The following SMTNL2 variants were observed in gnomAD, a reference collection of about 807,000 sequenced individuals.
SMTNL2 encodes the protein smoothelin like 2.
A neutral mutation model predicts 44.1 loss-of-function variants in SMTNL2; 43 were observed. That is an observed-to-expected ratio of 0.98 (90% CI 0.76 to 1.26). SMTNL2 has a LOEUF of 1.26. SMTNL2 is among the 50% of genes most tolerant of loss of function. The probability of loss-of-function intolerance (pLI) is 0.00; values close to 1 mark genes in which losing one functional copy is unlikely to be tolerated. For missense variants in SMTNL2, 646 were observed against 670.2 expected, an observed-to-expected ratio of 0.96 and a Z score of 0.40; for synonymous variants, 317 against 287.6, an observed-to-expected ratio of 1.10 and a Z score of -1.03.
At chr17:4,605,874 G>A (rs1203924388) in intron 7 of SMTNL2, among the ~76,000 whole-genome samples, 1 of 152,142 alleles carries the variant, frequency 6.6e-6, no homozygotes, top group Non-Finnish European at 1.5e-5. Context: ...CGCAGGGCTG[G>A]GCATTCCAGA....
At chr17:4,603,933 C>T (rs1910151298) in intron 7 of SMTNL2, among the ~76,000 whole-genome samples, 1 of 152,164 alleles carries the variant, frequency 6.6e-6, no homozygotes, top group African/African-American at 2.4e-5. Context: ...CAACCTCCGC[C>T]TCCCGAGTTC....
Position 4,607,734 on chromosome 17 carries a change from AGAG to A in SMTNL2, c.*248_*250del, listed in dbSNP as rs1226273392. ...AGGAAAAGGAAAAATTATGAGAGAG[AGAG>A]AGACATTGGTGCTAAGTAATGATCT... On this transcript the variant is annotated 3_prime_UTR_variant, in exon 8 of 8. Transcript: ENST00000389313. This position sits in a 1 kb window ranked among gnomAD's most constrained non-coding sequence, Gnocchi z 4.7. 2 of 467,706 alleles carry A rather than the reference AGAG, an allele frequency of 4.3e-6. No homozygotes were observed. The highest frequency in any genetic ancestry group is 7.4e-6 in the Non-Finnish European group (2 of 269,100). The allele number at this position is 467,706 out of a possible 1,614,324, so 29.0% of individuals were successfully genotyped here.
chr17:4,584,732 G>C lies in SMTNL2; in HGVS notation c.127G>C (p.Glu43Gln). The change falls in exon 1 of 8, where the codon GAG (glutamate) becomes CAG (glutamine). Residue 43 changes from glutamate to glutamine, a missense_variant. Physicochemically the swap from Glu to Gln is conservative, Grantham distance 29. Coordinates refer to ENST00000389313, the MANE Select transcript of SMTNL2 (RefSeq NM_001114974.2). ...EDMRGLQRGVERRVAEAMRLA... is the reference protein window; with the variant it reads ...EDMRGLQRGVQRRVAEAMRLA... ...CATGCGGGGGCTGCAGCGCGGCGTG[G>C]AGCGGCGAGTGGCAGAGGCGATGCG... 7.7e-7 allele frequency: 1 copy of C among 1,306,986 alleles called. No homozygotes were observed. Among genetic ancestry groups the C allele is most frequent in the Non-Finnish European group, 9.7e-7 (1 of 1,031,708 alleles). 81.0% of individuals were successfully genotyped at this position (1,306,986 alleles called of 1,614,324 possible). A position where few individuals can be genotyped will look rare whatever the true frequency, so the allele number is the denominator to read the frequency against.
chr17:4,594,762 C>T (rs1159073939), intron 4 of SMTNL2, among the ~76,000 whole-genome samples: 6 of 151,894 alleles, frequency 4.0e-5, no homozygotes, highest in East Asian at 1.9e-4. Flanking sequence ...TCTGGCAAAC[C>T]GTTCTGGGGA....
rs1172994380 is a variant in SMTNL2, at chr17:4,593,190, G to A, written c.730+19G>A. On this transcript the variant is annotated intron_variant, in intron 3 of 7. Coordinates refer to ENST00000389313, the MANE Select transcript of SMTNL2 (RefSeq NM_001114974.2). ...CCTAGCGGTATGAGCTGGAGAGCGT[G>A]GCCTTGGGGCAGACCTCCCCTTGGG... 2 of 1,561,082 alleles carry A rather than the reference G, an allele frequency of 1.3e-6. No individual in the cohort carries two copies. The highest frequency in any genetic ancestry group is 1.7e-6 in the Non-Finnish European group (2 of 1,147,692).
chr17:4,607,261 G>A lies in SMTNL2; in HGVS notation c.1260-100G>A, dbSNP rs1319434277. On this transcript the variant is annotated intron_variant, in intron 7 of 7. Coordinates refer to ENST00000389313, the MANE Select transcript of SMTNL2 (RefSeq NM_001114974.2). This position sits in a 1 kb window ranked among gnomAD's most constrained non-coding sequence, Gnocchi z 4.7. ...GGGTCCTTGGGAACCTCTGGCTGCC[G>A]GCTGAGCTCTGTTCCCGGGACCGAG... 10 of 1,563,296 alleles carry A rather than the reference G, an allele frequency of 6.4e-6. No homozygotes were observed. The highest frequency in any genetic ancestry group is 2.3e-5 in the East Asian group (1 of 44,222).
chr17:4,591,965 C>A (rs983476646), intron 1 of SMTNL2, among the ~76,000 whole-genome samples: 1 of 152,256 alleles, frequency 6.6e-6, no homozygotes, highest in Non-Finnish European at 1.5e-5. Context: ...TTCCTGCTGC[C>A]CCTGCACGGG....
In SMTNL2 at chr17:4,584,945, C is replaced by A. The variant is rs910258395; in HGVS notation, c.340C>A (p.Arg114Ser). The stretch of plus-strand genomic sequence containing the variant: ...GCCCGGGGTTCCCGACCGCGCGCCC[C>A]GCCTGGGCAGCGCACGCTTCGCCAG... The part of the protein sequence containing the change: ...PAPGVPDRAP[R>S]LGSARFASHA... Residue 114 changes from arginine to serine, a missense_variant, in exon 1 of 8, where the codon CGC becomes AGC. Coordinates refer to ENST00000389313, the MANE Select transcript of SMTNL2 (RefSeq NM_001114974.2). 7.4e-6 allele frequency: 10 copies of A among 1,345,262 alleles called. No individual in the cohort carries two copies. Among genetic ancestry groups the A allele is most frequent in the East Asian group, 6.4e-5 (2 of 31,462 alleles). The allele number at this position is 1,345,262 out of a possible 1,614,324, so 83.3% of individuals were successfully genotyped here.
At position 4,595,817 on chromosome 17, in the gene SMTNL2, C is replaced by T. The variant is rs934164403; in HGVS notation, c.989+490C>T. Reference sequence around the variant, plus strand: ...CAGCCTGCTACTAGGTCTCGAGCGACGGCTCCTCAGGCTCCAGCCCACCTT... The same window carrying T: ...CAGCCTGCTACTAGGTCTCGAGCGATGGCTCCTCAGGCTCCAGCCCACCTT... On this transcript the variant is annotated intron_variant, in intron 5 of 7. Coordinates refer to ENST00000389313, the MANE Select transcript of SMTNL2 (RefSeq NM_001114974.2). This position sits in a 1 kb window ranked among gnomAD's most constrained non-coding sequence, Gnocchi z 5.1. Among the ~76,000 whole-genome samples the T allele has an allele frequency of 3.3e-5, 5 of 152,238 alleles. No homozygotes were observed. Among genetic ancestry groups the T allele is most frequent in the Admixed American group, 1.3e-4 (2 of 15,288 alleles).
chr17:4,607,502 G>A lies in SMTNL2; in HGVS notation c.*15G>A. 1 of 1,613,176 alleles carries A rather than the reference G, an allele frequency of 6.2e-7. No homozygotes were observed. Among genetic ancestry groups the A allele is most frequent in the Non-Finnish European group, 8.5e-7 (1 of 1,179,284 alleles). ...GCTTCGAGTAAAGCCCCTGAGCCTG[G>A]ATTGCCAAAGAGCAGCCCCAGGAAG... is the stretch of plus-strand genomic sequence containing the variant. On this transcript the variant is annotated 3_prime_UTR_variant, in exon 8 of 8. Transcript: ENST00000389313. The surrounding 1 kb of genome is among the most constrained non-coding windows in gnomAD (Gnocchi z 4.7).
At chr17:4,591,691 G>A (rs1245858702) in intron 1 of SMTNL2, among the ~76,000 whole-genome samples, 1 of 152,246 alleles carries the variant, frequency 6.6e-6, no homozygotes. Flanking sequence ...GGGAACTGAT[G>A]TGGCCCAGGT....
intron 7 of SMTNL2, among the ~76,000 whole-genome samples, chr17:4,606,141 C>T (rs1170727328): frequency 2.6e-5 from 4 of 151,516 alleles, no homozygotes; most frequent in African/African-American, 9.7e-5. Context: ...TTTTTTGAGA[C>T]GGAGTCTTTC....
intron 1 of SMTNL2, among the ~76,000 whole-genome samples, chr17:4,591,569 A>C (rs1909572285): frequency 2.0e-5 from 3 of 152,264 alleles, no homozygotes; most frequent in Admixed American, 2.0e-4. Context: ...AGTGGTGTTT[A>C]GAAGGTGTTG....
In SMTNL2 at chr17:4,600,810, C is replaced by T. The variant is rs1269046463; in HGVS notation, c.1259+3487C>T. ...CGTGCAGCCCCAGGCTTCCCGCTTG[C>T]CCTGCGGGGAATGTGTCCTGCTCTC... On this transcript the variant is annotated intron_variant, in intron 7 of 7. Coordinates refer to ENST00000389313, the MANE Select transcript of SMTNL2 (RefSeq NM_001114974.2). The surrounding 1 kb of genome is among the most constrained non-coding windows in gnomAD (Gnocchi z 4.7). Among the ~76,000 whole-genome samples the T allele has an allele frequency of 6.6e-6, 1 of 152,198 alleles. No individual in the cohort carries two copies. Among genetic ancestry groups the T allele is most frequent in the African/African-American group, 2.4e-5 (1 of 41,442 alleles).
At chr17:4,590,639 C>T (rs902765259) in intron 1 of SMTNL2, among the ~76,000 whole-genome samples, 12 of 152,170 alleles carry the variant, frequency 7.9e-5, no homozygotes, top group African/African-American at 2.9e-4. Flanking sequence ...TTGGGAGAGG[C>T]TTGGCACCCT....
In SMTNL2 at chr17:4,605,264, C is replaced by A. The variant is rs117298777; in HGVS notation, c.1260-2097C>A. On this transcript the variant is annotated intron_variant, in intron 7 of 7. Coordinates refer to ENST00000389313, the MANE Select transcript of SMTNL2 (RefSeq NM_001114974.2). The stretch of plus-strand genomic sequence containing the variant: ...GGAGCCTCCACCTCCTGGCCTCAAG[C>A]GATCCTCTCACCTCAGCCTTGAGTA... Among the ~76,000 whole-genome samples, 23 of 144,816 alleles carry A rather than the reference C, an allele frequency of 1.6e-4. No homozygotes were observed. The East Asian group carries it at 4.1e-3, about 26-fold the overall frequency.
chr17:4,604,201 G>A lies in SMTNL2; in HGVS notation c.1260-3160G>A, dbSNP rs992630984. The stretch of plus-strand genomic sequence containing the variant: ...ACAAAGCACCTTTGCACGCCTGCTC[G>A]CATCAGAGGGCCAGCTTCCCTGACA... On this transcript the variant is annotated intron_variant, in intron 7 of 7. Coordinates refer to ENST00000389313, the MANE Select transcript of SMTNL2 (RefSeq NM_001114974.2). Among the ~76,000 whole-genome samples the A allele has an allele frequency of 7.9e-5, 12 of 152,252 alleles. No homozygotes were observed. In the South Asian group the frequency reaches 1.9e-3, roughly 24 times the overall value.
At chr17:4,597,791 C>T (rs1255400156) in intron 7 of SMTNL2, among the ~76,000 whole-genome samples, 1 of 152,178 alleles carries the variant, frequency 6.6e-6, no homozygotes. Context: ...TTTTCCTTCC[C>T]GAAATGGTGT....
chr17:4,593,197 G>A, intron 3 of SMTNL2, 26 bp downstream of exon 3: 1 of 1,551,572 alleles, frequency 6.4e-7, no homozygotes, highest in South Asian at 1.2e-5. Context: ...CGTGGCCTTG[G>A]GGCAGACCTC....
Sources: allele counts gnomAD v4.1 joint callset (sites outside exome capture counted in the v4.1 genomes callset), GRCh38; gene constraint gnomAD v4.1.1; non-coding constraint Gnocchi (gnomAD v3.1); transcripts MANE v1.5; gene names NCBI Gene and HGNC (gene_info 2026-07-23, HGNC 2026-07-21).